The following ARHGEF11 variants were observed in gnomAD, a reference collection of about 807,000 sequenced individuals.
The protein encoded by ARHGEF11 is Rho guanine nucleotide exchange factor 11, also known as Rho guanine exchange factor (GEF) 11.
In ARHGEF11, 55 loss-of-function variants were observed where a neutral mutation model predicts 193.7. The observed-to-expected ratio is 0.28, with a 90% CI of 0.23 to 0.36. The LOEUF is 0.36. Among genes scored for constraint, ARHGEF11 ranks in the 10% least tolerant of loss-of-function variants. ARHGEF11 has a pLI of 1.00. For missense variants in ARHGEF11, 1,723 were observed against 2,005.6 expected (o/e 0.86, Z 2.69); for synonymous variants, 693 against 768.0 (o/e 0.90, Z 1.62).
chr1:156,967,663 G>C (rs964361124), intron 11 of ARHGEF11, among the ~76,000 whole-genome samples: 1 of 152,038 alleles, frequency 6.6e-6, no homozygotes, highest in African/African-American at 2.4e-5. Flanking sequence ...CTGAAAATTA[G>C]TATCCTGGAG....
At chr1:157,000,877 G>C (rs1238517158) in intron 1 of ARHGEF11, among the ~76,000 whole-genome samples, 2 of 152,200 alleles carry the variant, frequency 1.3e-5, no homozygotes, top group Non-Finnish European at 2.9e-5. Context: ...AGGCGGGCCA[G>C]AGCTTCACAG....
intron 11 of ARHGEF11, among the ~76,000 whole-genome samples, chr1:156,967,593 T>G (rs1661863956): frequency 6.6e-6 from 1 of 152,062 alleles, no homozygotes; most frequent in South Asian, 2.1e-4. Flanking sequence ...CTTTTCTATG[T>G]TACGGTTCCA....
At position 157,027,282 on chromosome 1, in the gene ARHGEF11, G is replaced by T. The variant is rs188719857; in HGVS notation, c.32+17017C>A. On this transcript the variant is annotated intron_variant, in intron 1 of 40. Coordinates refer to ENST00000368194, the MANE Select transcript of ARHGEF11 (RefSeq NM_198236.3). The stretch of plus-strand genomic sequence containing the variant: ...CTGTAGTCCCAGCTACTCAGGATGT[G>T]GGAGGATAACTTGAACCCAGGAAAT... Among the ~76,000 whole-genome samples, 19 of 152,138 alleles carry T rather than the reference G, an allele frequency of 1.2e-4. No individual in the cohort carries two copies. The East Asian group carries it at 3.5e-3, about 28-fold the overall frequency.
At chr1:156,984,525 C>T (rs1184329291) in intron 2 of ARHGEF11, 88 bp from the exon 3 acceptor site, 1 of 869,360 alleles carries the variant, frequency 1.2e-6, no homozygotes, top group East Asian at 2.8e-5. Flanking sequence ...AGCCCCAGTG[C>T]CTTTCTTCTT....
chr1:156,960,310 G>A (rs181272113), intron 15 of ARHGEF11, 108 bp downstream of exon 15: 16 of 1,056,544 alleles, frequency 1.5e-5, no homozygotes, highest in African/African-American at 7.9e-5. Context: ...ATTACAGGAC[G>A]GTTGCCCAAG....
chr1:157,044,265 C>T, intron 1 of ARHGEF11, 34 bp downstream of exon 1: 1 of 1,604,618 alleles, frequency 6.2e-7, no homozygotes, highest in African/African-American at 1.3e-5. Context: ...TTCCTTTAGT[C>T]AATGTTGAAA....
At position 157,032,485 on chromosome 1, in the gene ARHGEF11, C is replaced by T. The variant is rs554499038; in HGVS notation, c.32+11814G>A. On this transcript the variant is annotated intron_variant, in intron 1 of 40. Transcript: ENST00000368194. Reference sequence around the variant, plus strand: ...TCAGCTCAAACACACTGAGTCAGAACGTTTTGGGTGGGGCCCACAGACCTG... The same window carrying T: ...TCAGCTCAAACACACTGAGTCAGAATGTTTTGGGTGGGGCCCACAGACCTG... Among the ~76,000 whole-genome samples the T allele has an allele frequency of 3.3e-5, 5 of 152,326 alleles. No individual in the cohort carries two copies. In the South Asian group the frequency reaches 6.2e-4, roughly 19 times the overall value.
intron 1 of ARHGEF11, among the ~76,000 whole-genome samples, chr1:157,011,192 G>A (rs771562720): frequency 2.6e-5 from 4 of 152,138 alleles, no homozygotes; most frequent in Non-Finnish European, 5.9e-5. Flanking sequence ...CACATTTAGG[G>A]TCAATTCATT....
chr1:157,002,679 G>C (rs1218539090), intron 1 of ARHGEF11, among the ~76,000 whole-genome samples: 4 of 152,092 alleles, frequency 2.6e-5, no homozygotes, highest in African/African-American at 9.7e-5. Flanking sequence ...CATATATTTT[G>C]TTGATAAAGC....
chr1:156,958,613 C>T, intron 17 of ARHGEF11, 129 bp downstream of exon 17: 1 of 1,357,970 alleles, frequency 7.4e-7, no homozygotes, highest in Non-Finnish European at 1.0e-6. Flanking sequence ...GTGCAGGACT[C>T]CCCATCTTTC....
intron 1 of ARHGEF11, among the ~76,000 whole-genome samples, chr1:157,022,785 G>T (rs541587494): frequency 6.6e-6 from 1 of 152,284 alleles, no homozygotes; most frequent in East Asian, 1.9e-4. Context: ...CCAAGCTTCA[G>T]TGTAGTACTG....
chr1:157,021,663 A>G (rs1670004269), intron 1 of ARHGEF11, among the ~76,000 whole-genome samples: 1 of 103,872 alleles, frequency 9.6e-6, no homozygotes, highest in Non-Finnish European at 2.3e-5. Flanking sequence ...ACTAAATTCA[A>G]AAGTCTTGCA....
At chr1:156,953,674 G>GTC (rs67010849) in intron 21 of ARHGEF11, among the ~76,000 whole-genome samples, 3 of 151,212 alleles carry the variant, frequency 2.0e-5, no homozygotes, top group African/African-American at 4.8e-5. Flanking sequence ...TCCCATTGCT[G>GTC]TCTCTCTCTC....
At chr1:156,946,890 TC>T in intron 27 of ARHGEF11, 45 bp downstream of exon 27, 1 of 1,613,350 alleles carries the variant, frequency 6.2e-7, no homozygotes. Context: ...AGACCCTGCC[TC>T]CCCCAATCTC....
rs945917354 is a variant in ARHGEF11, at chr1:156,944,199, C to T, written c.3068-97G>A. On this transcript the variant is annotated intron_variant, in intron 31 of 40. Coordinates refer to ENST00000368194, the MANE Select transcript of ARHGEF11 (RefSeq NM_198236.3). ...CAGGCTCTTGGAGGCTCTAGGAAGT[C>T]CTGGGAGTCTGGTGACCCCATTTCT... 1.5e-5 allele frequency: 22 copies of T among 1,494,558 alleles called. No homozygotes were observed. In the African/African-American group the frequency reaches 2.8e-4, roughly 19 times the overall value. The allele number at this position is 1,494,558 out of a possible 1,614,324, so 92.6% of individuals were successfully genotyped here.
At chr1:156,942,100 C>G in intron 33 of ARHGEF11, 111 bp from the exon 34 acceptor site, 1 of 1,523,486 alleles carries the variant, frequency 6.6e-7, no homozygotes, top group Non-Finnish European at 8.9e-7. Context: ...AACCCTCTGC[C>G]TGGCAGGTGC....
In ARHGEF11 at chr1:156,946,110, A is replaced by G; in HGVS notation, c.2747T>C (p.Ile916Thr). Residue 916 changes from isoleucine to threonine, a missense_variant, in exon 29 of 41, where the codon ATC becomes ACC. Transcript: ENST00000368194. ...CRRLQLRDLI[I>T]SEMQRLTKYP... ...CTTGGTGAGCCGCTGCATCTCAGAGATGATGAGGTCTCTCAGCTGCAGCCG... is the reference window on the plus strand; with the variant it reads ...CTTGGTGAGCCGCTGCATCTCAGAGGTGATGAGGTCTCTCAGCTGCAGCCG... 2 of 1,613,600 alleles carry G rather than the reference A, an allele frequency of 1.2e-6. No individual in the cohort carries two copies. The highest frequency in any genetic ancestry group is 1.7e-6 in the Non-Finnish European group (2 of 1,179,968).
chr1:156,937,908 C>A (rs1655843222), intron 38 of ARHGEF11, among the ~76,000 whole-genome samples: 1 of 152,226 alleles, frequency 6.6e-6, no homozygotes, highest in Non-Finnish European at 1.5e-5. Flanking sequence ...CCTGCCCTGC[C>A]CCTCTTCCAT....
intron 30 of ARHGEF11, among the ~76,000 whole-genome samples, 162 bp from the exon 31 acceptor site, chr1:156,944,595 G>A (rs1657778075): frequency 6.6e-6 from 1 of 152,176 alleles, no homozygotes; most frequent in Non-Finnish European, 1.5e-5. Context: ...AAGCAAAAAG[G>A]TAACTGTGAA....
Sources: gnomAD v4.1 joint callset for allele counts (sites outside exome capture counted in the v4.1 genomes callset) on GRCh38, gnomAD v4.1.1 for gene constraint, MANE v1.5 for transcripts, NCBI Gene and HGNC (gene_info 2026-07-23, HGNC 2026-07-21) for gene names.